Variants in SH2B3 observed in about 807,000 individuals in gnomAD.
The protein encoded by SH2B3 is SH2B adaptor protein 3.
In SH2B3, 43 loss-of-function variants were observed where a neutral mutation model predicts 51.9. The observed-to-expected ratio is 0.83, with a 90% CI of 0.65 to 1.07. The LOEUF (loss-of-function observed/expected upper bound fraction) is 1.07, where lower values mean the gene tolerates loss of function less well. Ranked by LOEUF, SH2B3 falls within the 50% of genes least tolerant of loss-of-function variation. SH2B3 has a pLI of 0.00. For synonymous variants in SH2B3, 396 were observed against 376.0 expected (o/e 1.05, Z -0.62); for missense variants, 952 against 834.3 (o/e 1.14, Z -1.74).
intron 2 of SH2B3, among the ~76,000 whole-genome samples, chr12:111,424,287 T>A (rs1193779096): frequency 1.3e-5 from 2 of 151,948 alleles, no homozygotes; most frequent in Admixed American, 6.6e-5. Flanking sequence ...TACTCATAGT[T>A]CCTACCCCAT....
At chr12:111,412,757 C>T (rs1838636272) in intron 1 of SH2B3, among the ~76,000 whole-genome samples, 1 of 151,978 alleles carries the variant, frequency 6.6e-6, no homozygotes, top group African/African-American at 2.4e-5. Context: ...TTATAGTAGA[C>T]ATAGGGTTTC....
chr12:111,418,039 G>A lies in SH2B3; in HGVS notation c.-27-80G>A. 1 of 1,070,548 alleles carries A rather than the reference G, an allele frequency of 9.3e-7. No individual in the cohort carries two copies. Among genetic ancestry groups the A allele is most frequent in the East Asian group, 2.9e-5 (1 of 35,056 alleles). 66.3% of individuals were successfully genotyped at this position (1,070,548 alleles called of 1,614,324 possible). ...ATGGTCGCGTTGGATTTCTGCTGTG[G>A]TGCCCGGTGTGTAATGGGGCCTACA... On this transcript the variant is annotated intron_variant, in intron 1 of 7. Transcript: ENST00000341259. This position sits in a 1 kb window ranked among gnomAD's most constrained non-coding sequence, Gnocchi z 6.7.
intron 2 of SH2B3, among the ~76,000 whole-genome samples, chr12:111,423,989 G>A (rs1170216004): frequency 2.0e-5 from 3 of 152,194 alleles, no homozygotes. Flanking sequence ...GCACATGCCT[G>A]TAATCCCAGC....
intron 1 of SH2B3, among the ~76,000 whole-genome samples, chr12:111,412,655 G>A (rs925409771): frequency 2.0e-5 from 3 of 152,064 alleles, no homozygotes; most frequent in Non-Finnish European, 2.9e-5. Flanking sequence ...CTGCAGCCTC[G>A]ACCTCCTGGG....
chr12:111,423,287 T>C (rs1027272827), intron 2 of SH2B3, among the ~76,000 whole-genome samples: 2 of 152,218 alleles, frequency 1.3e-5, no homozygotes, highest in African/African-American at 4.8e-5. Flanking sequence ...TTGTTAAAAA[T>C]CTCAAGGCTG....
At chr12:111,415,870 C>T (rs1374652341) in intron 1 of SH2B3, among the ~76,000 whole-genome samples, 1 of 152,110 alleles carries the variant, frequency 6.6e-6, no homozygotes, top group African/African-American at 2.4e-5. Context: ...GATCCACCCA[C>T]CTAAGCCTCC....
In SH2B3 at chr12:111,414,745, C is replaced by T. The variant is rs148746916; in HGVS notation, c.-27-3374C>T. ...GGCACCCTTTGTTGCCACTGCCCTG[C>T]AGACATGCCCAGCGGGACATGGCCA... is the stretch of plus-strand genomic sequence containing the variant. On this transcript the variant is annotated intron_variant, in intron 1 of 7. Transcript: ENST00000341259. Among the ~76,000 whole-genome samples, 711 of 152,312 alleles carry T rather than the reference C, an allele frequency of 4.7e-3. 7 individuals are homozygous for T. Among genetic ancestry groups the T allele is most frequent in the African/African-American group, 0.016 (653 of 41,562 alleles).
In SH2B3 at chr12:111,448,270, C is replaced by T. The variant is rs72650662; in HGVS notation, c.1696C>T (p.Arg566Trp). The T allele has an allele frequency of 3.0e-4, 489 of 1,613,616 alleles. 1 individual carries two copies. Among genetic ancestry groups the T allele is most frequent in the Admixed American group, 7.5e-4 (45 of 60,006 alleles). Residue 566 changes from arginine (R) to tryptophan (W), a missense_variant, in exon 8 of 8, where the codon CGG becomes TGG. Transcript: ENST00000341259. Reference sequence around the variant, plus strand: ...GGACTCATCCTCCCGGAGCCACCTGCGGGCCATAGACAATCAGTACACACC... The same window carrying T: ...GGACTCATCCTCCCGGAGCCACCTGTGGGCCATAGACAATCAGTACACACC... Reference protein sequence around the residue: ...EMDSSSRSHLRAIDNQYTPL With the variant: ...EMDSSSRSHLWAIDNQYTPL
chr12:111,412,812 C>A (rs1703123945), intron 1 of SH2B3, among the ~76,000 whole-genome samples: 1 of 152,152 alleles, frequency 6.6e-6, no homozygotes, highest in Non-Finnish European at 1.5e-5. Flanking sequence ...CTCAAGCAAT[C>A]CTCCCGCCTT....
intron 1 of SH2B3, among the ~76,000 whole-genome samples, chr12:111,412,045 C>T (rs1163045124): frequency 6.6e-6 from 1 of 152,146 alleles, no homozygotes; most frequent in Admixed American, 6.5e-5. Flanking sequence ...AGAAGTGTCC[C>T]AAAGACACCC....
intron 2 of SH2B3, among the ~76,000 whole-genome samples, chr12:111,434,533 G>T (rs552571504): frequency 2.6e-5 from 4 of 152,190 alleles, no homozygotes; most frequent in Non-Finnish European, 5.9e-5. Context: ...CCTGGTTTCC[G>T]ATTTGACTTT....
At chr12:111,426,385 CTTTTTT>C (rs796965805) in intron 2 of SH2B3, among the ~76,000 whole-genome samples, 5 of 136,028 alleles carry the variant, frequency 3.7e-5, no homozygotes, top group African/African-American at 5.5e-5. Flanking sequence ...TTTCTTTTAT[CTTTTTT>C]TTTTTTTTTT....
chr12:111,405,450 T>TAAGG (rs2043795108), upstream of SH2B3, among the ~76,000 whole-genome samples: 1 of 152,122 alleles, frequency 6.6e-6, no homozygotes, highest in Non-Finnish European at 1.5e-5. The surrounding 1 kb of genome is among the most constrained non-coding windows in gnomAD (Gnocchi z 5.4). Flanking sequence ...CGGGCACTGA[T>TAAGG]AAGGCCCTGC....
chr12:111,417,774 GT>G (rs1871195910), intron 1 of SH2B3, among the ~76,000 whole-genome samples: 1 of 152,104 alleles, frequency 6.6e-6, no homozygotes, highest in Non-Finnish European at 1.5e-5. Context: ...AGGGCCTTCA[GT>G]GTGTTGAGGT....
At position 111,407,937 on chromosome 12, in the gene SH2B3, G is replaced by C. The variant is rs768188926; in HGVS notation, c.-28+1660G>C. ...CTCAGTTTCCCTCTGTGTAAAATGG[G>C]GGAGTAACAGGTTTGCAGTGGAGAT... On this transcript the variant is annotated intron_variant, in intron 1 of 7. Transcript: ENST00000341259. The surrounding 1 kb of genome is among the most constrained non-coding windows in gnomAD (Gnocchi z 4.3). Among the ~76,000 whole-genome samples, 2 of 152,220 alleles carry C rather than the reference G, an allele frequency of 1.3e-5. No homozygotes were observed. The highest frequency in any genetic ancestry group is 4.8e-5 in the African/African-American group (2 of 41,460).
At chr12:111,436,975 C>A (rs1425735665) in intron 2 of SH2B3, among the ~76,000 whole-genome samples, 3 of 152,022 alleles carry the variant, frequency 2.0e-5, no homozygotes, top group Non-Finnish European at 4.4e-5. Context: ...CACACTCAGT[C>A]ACTCAGTGTG....
rs1325502013 is a variant in SH2B3 at position 111,409,976 on chromosome 12, C to T, written c.-28+3699C>T. Among the ~76,000 whole-genome samples, 1 of 152,234 alleles carries T rather than the reference C, an allele frequency of 6.6e-6. No homozygotes were observed. Among genetic ancestry groups the T allele is most frequent in the Admixed American group, 6.5e-5 (1 of 15,292 alleles). ...CCTCCCACGCCACCCTGTCAGGGGT[C>T]GGCCAGCAGGGCCGGGCCACAGGCT... On this transcript the variant is annotated intron_variant, in intron 1 of 7. Transcript: ENST00000341259. This position sits in a 1 kb window ranked among gnomAD's most constrained non-coding sequence, Gnocchi z 4.0.
At position 111,447,561 on chromosome 12, in the gene SH2B3, G is replaced by A. The variant is rs1486582572; in HGVS notation, c.1236+17G>A. On this transcript the variant is annotated intron_variant, in intron 6 of 7. Transcript: ENST00000341259. ...ATAGCCAAGGTATGGGGTGGGGTGG[G>A]GTGGGGTGGGGCAGGCAGGACCGTG... 1 of 1,575,874 alleles carries A rather than the reference G, an allele frequency of 6.3e-7. No homozygotes were observed.
At position 111,438,650 on chromosome 12, in the gene SH2B3, G is replaced by C. The variant is rs1478606383; in HGVS notation, c.733-8103G>C. Among the ~76,000 whole-genome samples, 1 of 152,226 alleles carries C rather than the reference G, an allele frequency of 6.6e-6. No individual in the cohort carries two copies. The highest frequency in any genetic ancestry group is 2.4e-5 in the African/African-American group (1 of 41,458). ...ACCACGTGAGCAAAGCCAAGTCACGGCAGAGACCTGCATCAAGGAATGCGC... is the reference window on the plus strand; with the variant it reads ...ACCACGTGAGCAAAGCCAAGTCACGCCAGAGACCTGCATCAAGGAATGCGC... On this transcript the variant is annotated intron_variant, in intron 2 of 7. Transcript: ENST00000341259. This position sits in a 1 kb window ranked among gnomAD's most constrained non-coding sequence, Gnocchi z 4.2.
Sources: allele counts gnomAD v4.1 joint callset (sites outside exome capture counted in the v4.1 genomes callset), GRCh38; gene constraint gnomAD v4.1.1; non-coding constraint Gnocchi (gnomAD v3.1); transcripts MANE v1.5; gene names NCBI Gene and HGNC (gene_info 2026-07-23, HGNC 2026-07-21).